Variants in C8orf34 observed in about 807,000 individuals in gnomAD.
C8orf34 encodes chromosome 8 open reading frame 34.
C8orf34 carries 65 observed loss-of-function variants against 68.3 expected under a neutral mutation model. That is an observed-to-expected ratio of 0.95 (90% CI 0.78 to 1.17). The LOEUF (loss-of-function observed/expected upper bound fraction) is 1.17, where lower values mean the gene tolerates loss of function less well. C8orf34 is among the 50% of genes most tolerant of loss of function. C8orf34 has a pLI of 0.00. For synonymous variants in C8orf34, 244 were observed against 241.2 expected (o/e 1.01, Z -0.11); for missense variants, 664 against 655.4 (o/e 1.01, Z -0.14).
chr8:68,475,308 A>AAC, intron 4 of C8orf34, among the ~76,000 whole-genome samples: 1 of 152,284 alleles, frequency 6.6e-6, no homozygotes, highest in Non-Finnish European at 1.5e-5. Flanking sequence ...CTTTTCTCTG[A>AAC]ACACACTTAT....
intron 7 of C8orf34, among the ~76,000 whole-genome samples, chr8:68,611,170 G>A (rs1420284344): frequency 6.6e-6 from 1 of 152,050 alleles, no homozygotes; most frequent in African/African-American, 2.4e-5. Flanking sequence ...AGCCTACAGT[G>A]AATCTTAAGA....
intron 7 of C8orf34, among the ~76,000 whole-genome samples, chr8:68,611,854 T>C (rs1369224): frequency 6.6e-6 from 1 of 152,000 alleles, no homozygotes; most frequent in Non-Finnish European, 1.5e-5. Context: ...CAGTGAGCAG[T>C]GGCCCCCAAG....
chr8:68,359,288 T>G (rs886463064), intron 1 of C8orf34, among the ~76,000 whole-genome samples: 30 of 152,192 alleles, frequency 2.0e-4, no homozygotes, highest in African/African-American at 6.5e-4. Context: ...TTTATGCTCC[T>G]GAGCAACCCA....
intron 1 of C8orf34, among the ~76,000 whole-genome samples, chr8:68,400,447 T>C (rs546182920): frequency 1.3e-5 from 2 of 152,272 alleles, no homozygotes; most frequent in South Asian, 2.1e-4. Flanking sequence ...CTGAAAAGGA[T>C]ATCCTTTCCC....
At chr8:68,500,751 T>C (rs1453857785) in intron 5 of C8orf34, among the ~76,000 whole-genome samples, 1 of 152,184 alleles carries the variant, frequency 6.6e-6, no homozygotes, top group Non-Finnish European at 1.5e-5. Context: ...AGTGTTGACA[T>C]TATTACATTA....
chr8:68,556,044 C>A (rs181353680), intron 7 of C8orf34, among the ~76,000 whole-genome samples: 5 of 152,102 alleles, frequency 3.3e-5, no homozygotes, highest in African/African-American at 9.6e-5. Flanking sequence ...TTAGTAGCAA[C>A]TTACATTGTG....
chr8:68,562,182 C>G (rs1816451791), intron 7 of C8orf34, among the ~76,000 whole-genome samples: 1 of 152,136 alleles, frequency 6.6e-6, no homozygotes, highest in African/African-American at 2.4e-5. Context: ...TGTGTTGTGG[C>G]ACAATGTCAG....
intron 7 of C8orf34, among the ~76,000 whole-genome samples, chr8:68,613,991 G>A (rs1324499272): frequency 6.6e-6 from 1 of 152,192 alleles, no homozygotes; most frequent in Non-Finnish European, 1.5e-5. Context: ...TCTAACTGGT[G>A]TGAGATGGTA....
chr8:68,402,760 T>C (rs1809013633), intron 1 of C8orf34, among the ~76,000 whole-genome samples: 1 of 152,186 alleles, frequency 6.6e-6, no homozygotes, highest in Non-Finnish European at 1.5e-5. Context: ...TATTCTGTTG[T>C]GGTCTGGGAA....
intron 1 of C8orf34, among the ~76,000 whole-genome samples, chr8:68,339,036 A>G (rs369090606): frequency 1.3e-5 from 2 of 152,006 alleles, no homozygotes; most frequent in African/African-American, 4.8e-5. Context: ...CTGTCCAAAT[A>G]TGTTGCCCAT....
Position 68,349,522 on chromosome 8 carries a change from A to G in C8orf34, c.327+18183A>G, listed in dbSNP as rs902268528. Among the ~76,000 whole-genome samples, 14 of 151,942 alleles carry G rather than the reference A, an allele frequency of 9.2e-5. No homozygotes were observed. The East Asian group carries it at 2.3e-3, about 25-fold the overall frequency. The stretch of plus-strand genomic sequence containing the variant: ...GTTGGGGAGGACTCTCTCCTCCTCA[A>G]TTGTTGGGAAATATTCCAGTAGGAA... On this transcript the variant is annotated intron_variant, in intron 1 of 13. Coordinates refer to ENST00000518698, the MANE Select transcript of C8orf34 (RefSeq NM_052958.4).
At chr8:68,534,224 C>T in intron 7 of C8orf34, 1 of 985,300 alleles carries the variant, frequency 1.0e-6, no homozygotes, top group Non-Finnish European at 1.2e-6. Flanking sequence ...TGCATTCATG[C>T]TAACATTAAG....
At chr8:68,409,053 C>A (rs781316996) in intron 1 of C8orf34, among the ~76,000 whole-genome samples, 18 of 152,108 alleles carry the variant, frequency 1.2e-4, no homozygotes, top group Non-Finnish European at 2.4e-4. Context: ...TCCCAAAGTG[C>A]TGGGATTACA....
At chr8:68,437,870 A>T (rs1440258968) in intron 1 of C8orf34, 2 of 152,170 alleles carry the variant, frequency 1.3e-5, no homozygotes, top group Non-Finnish European at 2.9e-5. Flanking sequence ...TGACTCTATG[A>T]TCAACTTGGG....
intron 12 of C8orf34, among the ~76,000 whole-genome samples, chr8:68,793,804 TTGAAA>T (rs1160237414): frequency 1.3e-5 from 2 of 151,916 alleles, no homozygotes; most frequent in Admixed American, 1.3e-4. Context: ...CACCCTGAAC[TTGAAA>T]TAAAATAAAA....
At chr8:68,700,693 G>A (rs1820989455) in intron 8 of C8orf34, among the ~76,000 whole-genome samples, 1 of 152,084 alleles carries the variant, frequency 6.6e-6, no homozygotes. Context: ...GTGGTCTCAT[G>A]CCAAATTACA....
intron 7 of C8orf34, among the ~76,000 whole-genome samples, chr8:68,554,457 G>T (rs1055220487): frequency 6.6e-6 from 1 of 152,094 alleles, no homozygotes; most frequent in Non-Finnish European, 1.5e-5. Flanking sequence ...TCAAAAGAAA[G>T]AAACTTGTTA....
chr8:68,569,967 C>T (rs1816713325), intron 7 of C8orf34, among the ~76,000 whole-genome samples: 1 of 152,200 alleles, frequency 6.6e-6, no homozygotes, highest in African/African-American at 2.4e-5. Flanking sequence ...CAAAGTCTCT[C>T]TTCAGGCTGC....
intron 7 of C8orf34, among the ~76,000 whole-genome samples, chr8:68,537,873 C>T (rs1283469170): frequency 6.6e-6 from 1 of 151,882 alleles, no homozygotes; most frequent in African/African-American, 2.4e-5. Flanking sequence ...ATCTGCATGC[C>T]ACCAAAATAT....
Sources: gnomAD v4.1 joint callset for allele counts (sites outside exome capture counted in the v4.1 genomes callset) on GRCh38, gnomAD v4.1.1 for gene constraint, MANE v1.5 for transcripts, NCBI Gene and HGNC (gene_info 2026-07-23, HGNC 2026-07-21) for gene names.